FGF14: variants seen among roughly 807,000 people sequenced by gnomAD.
The protein encoded by FGF14 is fibroblast growth factor 14.
FGF14 carries 5 observed loss-of-function variants against 25.5 expected under a neutral mutation model. That is an observed-to-expected ratio of 0.20 (90% CI 0.10 to 0.41). The LOEUF (loss-of-function observed/expected upper bound fraction) is 0.41. FGF14 is among the 10% of genes least tolerant of loss of function. The pLI, the probability that FGF14 is intolerant of heterozygous loss-of-function variation, is 1.00. For synonymous variants in FGF14, 138 were observed against 118.3 expected, an observed-to-expected ratio of 1.17 and a Z score of -1.08; for missense variants, 222 against 320.1, an observed-to-expected ratio of 0.69 and a Z score of 2.34.
rs72647498 is a variant in FGF14, at chr13:102,356,710, T to G, written c.208+44761A>C. 2.3e-3 allele frequency among the ~76,000 whole-genome samples: 357 copies of G among 152,266 alleles called. 2 individuals are homozygous for G. Among genetic ancestry groups the G allele is most frequent in the Non-Finnish European group, 3.4e-3 (232 of 68,018 alleles). ...AACTGGGACACAACCCAATTTCCAA[T>G]AGCAGGGCATTGGTTACATAAATTA... is the stretch of plus-strand genomic sequence containing the variant. On this transcript the variant is annotated intron_variant, in intron 1 of 4. Coordinates refer to the FGF14 transcript ENST00000376131.
intron 1 of FGF14, among the ~76,000 whole-genome samples, chr13:101,923,421 T>C (rs1358147438): frequency 6.6e-6 from 1 of 152,104 alleles, no homozygotes; most frequent in African/African-American, 2.4e-5. Context: ...ATGTTTGAAA[T>C]ACTTCCGGAA....
chr13:102,368,410 A>G (rs35258890), intron 1 of FGF14, among the ~76,000 whole-genome samples: 1 of 152,190 alleles, frequency 6.6e-6, no homozygotes, highest in African/African-American at 2.4e-5. Context: ...ATACATTAAA[A>G]ATCTTAACAG....
intron 1 of FGF14, among the ~76,000 whole-genome samples, chr13:102,100,332 C>T (rs1290330039): frequency 6.6e-6 from 1 of 152,188 alleles, no homozygotes; most frequent in Non-Finnish European, 1.5e-5. Context: ...GAGCATACCA[C>T]AAGGAGAGAG....
intron 3 of FGF14, among the ~76,000 whole-genome samples, chr13:101,821,317 C>A (rs1179596740): frequency 1.3e-5 from 2 of 152,044 alleles, no homozygotes; most frequent in East Asian, 1.9e-4. Flanking sequence ...TGTCTGGTTT[C>A]TTTTTCTCCT....
chr13:102,238,310 G>T (rs777150797), intron 1 of FGF14, among the ~76,000 whole-genome samples: 3 of 152,292 alleles, frequency 2.0e-5, no homozygotes, highest in East Asian at 1.9e-4. Context: ...TTCCAGAGAT[G>T]ATTTAAAATG....
chr13:101,975,007 G>T (rs2037835983), intron 1 of FGF14, among the ~76,000 whole-genome samples: 1 of 152,048 alleles, frequency 6.6e-6, no homozygotes, highest in Non-Finnish European at 1.5e-5. Flanking sequence ...GGGGAGTGGG[G>T]TGGGAAGCGT....
chr13:101,915,564 C>G (rs965395464), intron 1 of FGF14, among the ~76,000 whole-genome samples: 9 of 152,096 alleles, frequency 5.9e-5, no homozygotes, highest in African/African-American at 1.9e-4. Context: ...GAGAGAGAGA[C>G]AAAAGCGCCT....
chr13:102,296,724 C>T (rs1350520548), intron 1 of FGF14, among the ~76,000 whole-genome samples: 9 of 152,146 alleles, frequency 5.9e-5, no homozygotes, highest in Non-Finnish European at 1.3e-4. Context: ...ACTGTCTTTA[C>T]TTCAGTTAGA....
chr13:101,976,826 C>A (rs2037956662), intron 1 of FGF14, among the ~76,000 whole-genome samples: 2 of 152,162 alleles, frequency 1.3e-5, no homozygotes, highest in South Asian at 4.1e-4. Flanking sequence ...TAAACTACCC[C>A]AACTTGGTAG....
At chr13:101,900,464 G>A (rs1295007169) in intron 1 of FGF14, among the ~76,000 whole-genome samples, 3 of 152,034 alleles carry the variant, frequency 2.0e-5, no homozygotes, top group Non-Finnish European at 4.4e-5. Flanking sequence ...AAAGGTACAA[G>A]TCGTCAATCT....
At chr13:102,063,855 A>C (rs2042790773) in intron 1 of FGF14, among the ~76,000 whole-genome samples, 1 of 152,170 alleles carries the variant, frequency 6.6e-6, no homozygotes. Flanking sequence ...AAAAACACTT[A>C]ATATATTATG....
chr13:102,125,912 G>A (rs774328426), intron 1 of FGF14, among the ~76,000 whole-genome samples: 14 of 152,032 alleles, frequency 9.2e-5, no homozygotes, highest in African/African-American at 1.4e-4. Flanking sequence ...GAACTCTAAA[G>A]CTATACAATT....
intron 1 of FGF14, among the ~76,000 whole-genome samples, chr13:101,956,331 C>G (rs2036513863): frequency 6.6e-6 from 1 of 152,208 alleles, no homozygotes. Context: ...TGCGTATTAT[C>G]ATGTAACTCC....
chr13:102,193,441 G>A (rs2049207881), intron 1 of FGF14, among the ~76,000 whole-genome samples: 1 of 152,132 alleles, frequency 6.6e-6, no homozygotes, highest in Non-Finnish European at 1.5e-5. Context: ...GAATCTAGAA[G>A]GCAACACACA....
At chr13:102,041,583 T>TAAAAAA (rs11430268) in intron 1 of FGF14, among the ~76,000 whole-genome samples, 7,159 of 141,612 alleles carry the variant, frequency 0.051, 230 homozygotes, top group Middle Eastern at 0.08. Flanking sequence ...TGTTTCCATG[T>TAAAAAA]AAAAAAAAAA....
chr13:102,133,913 T>C (rs944354828), intron 1 of FGF14, among the ~76,000 whole-genome samples: 6 of 152,214 alleles, frequency 3.9e-5, no homozygotes, highest in African/African-American at 1.2e-4. Flanking sequence ...CTAGGAAAAC[T>C]GACACGCTTC....
chr13:101,882,091 G>A (rs1167315515), intron 1 of FGF14, among the ~76,000 whole-genome samples: 1 of 151,630 alleles, frequency 6.6e-6, no homozygotes, highest in African/African-American at 2.4e-5. Flanking sequence ...TGTAGATACA[G>A]TATTATGTTA....
intron 1 of FGF14, among the ~76,000 whole-genome samples, chr13:102,332,157 T>C (rs1283316879): frequency 6.6e-6 from 1 of 152,074 alleles, no homozygotes; most frequent in Non-Finnish European, 1.5e-5. Flanking sequence ...TTGTAATTTG[T>C]AGAGATAGGA....
chr13:102,069,389 G>C (rs1056730049), intron 1 of FGF14, among the ~76,000 whole-genome samples: 2 of 152,132 alleles, frequency 1.3e-5, no homozygotes, highest in Non-Finnish European at 2.9e-5. Context: ...GGCCAGATAA[G>C]AGAATAAAAG....
Sources: gnomAD v4.1 joint callset for allele counts (sites outside exome capture counted in the v4.1 genomes callset) on GRCh38, gnomAD v4.1.1 for gene constraint, MANE v1.5 for transcripts, NCBI Gene and HGNC (gene_info 2026-07-23, HGNC 2026-07-21) for gene names.